Variants in BMAL2 observed in about 807,000 individuals in gnomAD.
The protein encoded by BMAL2 is basic helix-loop-helix ARNT like 2.
chr12:27,370,265 C>A, the BMAL2 span: 1 of 1,510,082 alleles, frequency 6.6e-7, no homozygotes, highest in South Asian at 1.1e-5. Flanking sequence ...TACTCTCTCC[C>A]CTACTTGAAG....
At chr12:27,414,109 T>C in the BMAL2 span, among the ~76,000 whole-genome samples, 2 of 151,556 alleles carry the variant, frequency 1.3e-5, no homozygotes, top group African/African-American at 4.8e-5. Flanking sequence ...TATATAATGA[T>C]GAAGGGGTCA....
the BMAL2 span, among the ~76,000 whole-genome samples, chr12:27,419,167 T>C: frequency 6.6e-6 from 1 of 152,162 alleles, no homozygotes; most frequent in Non-Finnish European, 1.5e-5. Flanking sequence ...TAAGATGTAA[T>C]CATTCATTTT....
chr12:27,393,752 T>C, the BMAL2 span, among the ~76,000 whole-genome samples: 2 of 152,176 alleles, frequency 1.3e-5, no homozygotes, highest in African/African-American at 4.8e-5. Context: ...CTATGCCAAA[T>C]GCAAAGGACA....
At chr12:27,411,593 G>C in the BMAL2 span, among the ~76,000 whole-genome samples, 2 of 152,334 alleles carry the variant, frequency 1.3e-5, no homozygotes, top group Non-Finnish European at 2.9e-5. Flanking sequence ...CTACTGATTA[G>C]TGATATCGAC....
chr12:27,390,001 A>G, the BMAL2 span: 2 of 1,465,082 alleles, frequency 1.4e-6, no homozygotes, highest in Non-Finnish European at 9.4e-7. Context: ...TTCCTTTCTC[A>G]ATAATAGATG....
At chr12:27,341,379 G>T in the BMAL2 span, among the ~76,000 whole-genome samples, 3 of 152,124 alleles carry the variant, frequency 2.0e-5, no homozygotes, top group African/African-American at 7.2e-5. Flanking sequence ...TAATCACGTG[G>T]TTTTTGTCTG....
chr12:27,401,536 A>G, the BMAL2 span: 1 of 1,597,452 alleles, frequency 6.3e-7, no homozygotes, highest in South Asian at 1.1e-5. Context: ...CTACAGAGTA[A>G]GGAGAAAATA....
chr12:27,415,604 T>G, the BMAL2 span, among the ~76,000 whole-genome samples: 5 of 152,304 alleles, frequency 3.3e-5, no homozygotes, highest in Admixed American at 3.3e-4. Flanking sequence ...TATTAACACA[T>G]GCTATATTGA....
At chr12:27,374,973 G>A in the BMAL2 span, among the ~76,000 whole-genome samples, 4 of 152,100 alleles carry the variant, frequency 2.6e-5, no homozygotes, top group Non-Finnish European at 5.9e-5. Flanking sequence ...ATTTGTCTTC[G>A]TGGTCTTTTT....
At chr12:27,394,317 A>T in the BMAL2 span, 1 of 151,742 alleles carries the variant, frequency 6.6e-6, no homozygotes, top group African/African-American at 2.4e-5. Flanking sequence ...TACCCTCCCA[A>T]CTCTGGTGGC....
At chr12:27,420,704 T>C in the BMAL2 span, 1 of 762,792 alleles carries the variant, frequency 1.3e-6, no homozygotes, top group Non-Finnish European at 1.9e-6. Context: ...GAAATACGTT[T>C]TCCTCCCAAG....
At chr12:27,397,198 G>A in the BMAL2 span, among the ~76,000 whole-genome samples, 1 of 152,124 alleles carries the variant, frequency 6.6e-6, no homozygotes, top group Non-Finnish European at 1.5e-5. Context: ...AGCCTCCCAA[G>A]TAACTGGGAC....
chr12:27,388,190 C>T, the BMAL2 span, among the ~76,000 whole-genome samples: 2 of 152,124 alleles, frequency 1.3e-5, no homozygotes, highest in Admixed American at 6.5e-5. Context: ...TCCTACTGGG[C>T]ACTGACTTTG....
chr12:27,347,244 T>TAGG, the BMAL2 span, among the ~76,000 whole-genome samples: 68 of 152,324 alleles, frequency 4.5e-4, no homozygotes, highest in African/African-American at 1.6e-3. Context: ...AGGGAAGTGA[T>TAGG]ATGGCTATTT....
chr12:27,343,217 C>T, the BMAL2 span, among the ~76,000 whole-genome samples: 1 of 152,206 alleles, frequency 6.6e-6, no homozygotes, highest in Non-Finnish European at 1.5e-5. Flanking sequence ...CTGTATTTAA[C>T]ATCTATACTG....
At chr12:27,373,486 G>A in the BMAL2 span, among the ~76,000 whole-genome samples, 1 of 152,152 alleles carries the variant, frequency 6.6e-6, no homozygotes, top group Non-Finnish European at 1.5e-5. Flanking sequence ...AAAAGTACTT[G>A]AACTGATGAT....
the BMAL2 span, chr12:27,415,909 G>T: frequency 6.2e-7 from 1 of 1,608,204 alleles, no homozygotes; most frequent in Non-Finnish European, 8.5e-7. Context: ...GAGTCCAACA[G>T]GTTTAATGAA....
At chr12:27,374,287 C>T in the BMAL2 span, among the ~76,000 whole-genome samples, 1 of 152,078 alleles carries the variant, frequency 6.6e-6, no homozygotes, top group South Asian at 2.1e-4. Flanking sequence ...AAAAGCAAGT[C>T]TGTATTGGAC....
the BMAL2 span, among the ~76,000 whole-genome samples, chr12:27,340,058 C>T: frequency 1.3e-5 from 2 of 152,012 alleles, no homozygotes; most frequent in Admixed American, 6.6e-5. Flanking sequence ...GTTGTCTGTT[C>T]ACTCTGTTGA....
Sources: allele counts gnomAD v4.1 joint callset (sites outside exome capture counted in the v4.1 genomes callset), GRCh38; gene constraint gnomAD v4.1.1; transcripts MANE v1.5; gene names NCBI Gene and HGNC (gene_info 2026-07-23, HGNC 2026-07-21).